The following GRAMD1A variants were observed in gnomAD, a reference collection of about 807,000 sequenced individuals.
GRAMD1A encodes GRAM domain containing 1A.
GRAMD1A carries 50 observed loss-of-function variants against 92.0 expected under a neutral mutation model. That is an observed-to-expected ratio of 0.54 (90% CI 0.43 to 0.69). GRAMD1A has a LOEUF of 0.69. Ranked by LOEUF, GRAMD1A falls within the 30% of genes least tolerant of loss-of-function variation. GRAMD1A has a pLI of 0.00. For synonymous variants in GRAMD1A, 405 were observed against 403.6 expected (o/e 1.00, Z -0.04); for missense variants, 819 against 978.9 (o/e 0.84, Z 2.18).
At position 35,014,116 on chromosome 19, in the gene GRAMD1A, T is replaced by C. The variant is rs1227038725; in HGVS notation, c.871-73T>C. 3 of 1,355,878 alleles carry C rather than the reference T, an allele frequency of 2.2e-6. No homozygotes were observed. The African/African-American group carries it at 4.3e-5, about 19-fold the overall frequency. 84.0% of individuals were successfully genotyped at this position (1,355,878 alleles called of 1,614,324 possible). ...GTCTGCACAGGCTCTGGAATCCTTGTGGCCAGTGTGGACTTGGGAGCCCTG... is the reference window on the plus strand; with the variant it reads ...GTCTGCACAGGCTCTGGAATCCTTGCGGCCAGTGTGGACTTGGGAGCCCTG... On this transcript the variant is annotated intron_variant, in intron 9 of 19. Coordinates refer to ENST00000317991, the MANE Select transcript of GRAMD1A (RefSeq NM_020895.5).
chr19:35,014,012 G>T (rs971480412), intron 9 of GRAMD1A, among the ~76,000 whole-genome samples, 177 bp from the exon 10 acceptor site: 1 of 152,186 alleles, frequency 6.6e-6, no homozygotes, highest in Admixed American at 6.5e-5. Context: ...CCTGGCAGGG[G>T]CTGAGAGGGG....
intron 16 of GRAMD1A, 24 bp downstream of exon 16, chr19:35,022,062 G>A (rs911580004): frequency 3.2e-6 from 5 of 1,555,022 alleles, no homozygotes; most frequent in East Asian, 2.2e-5. Flanking sequence ...AGGAGCAGTG[G>A]CCACACAGGC....
intron 7 of GRAMD1A, among the ~76,000 whole-genome samples, chr19:35,011,869 T>C (rs987460222): frequency 6.6e-6 from 1 of 152,202 alleles, no homozygotes; most frequent in African/African-American, 2.4e-5. Flanking sequence ...ATGCCGGCTA[T>C]GGCTGGTCCA....
chr19:34,998,775 G>C (rs2014150076), upstream of GRAMD1A, among the ~76,000 whole-genome samples: 1 of 150,696 alleles, frequency 6.6e-6, no homozygotes, highest in Non-Finnish European at 1.5e-5. Context: ...TTTTAGAGGT[G>C]GGGGTTAGCA....
upstream of GRAMD1A, among the ~76,000 whole-genome samples, chr19:34,995,570 G>GTTTTTCTTTTTTTTT (rs1173583059): frequency 3.7e-5 from 3 of 80,954 alleles, 1 homozygote; most frequent in African/African-American, 4.8e-5. Context: ...TCAGATCACG[G>GTTTTTCTTTTTTTTT]GTTTTTTTTT....
intron 10 of GRAMD1A, 50 bp downstream of exon 10, chr19:35,014,437 C>G: frequency 6.5e-7 from 1 of 1,529,650 alleles, no homozygotes; most frequent in Non-Finnish European, 9.1e-7. Flanking sequence ...GCAAGCCTCG[C>G]TCAGTCTTAA....
chr19:34,997,990 C>A (rs1379735312), upstream of GRAMD1A, among the ~76,000 whole-genome samples: 1 of 150,892 alleles, frequency 6.6e-6, no homozygotes, highest in Non-Finnish European at 1.5e-5. Flanking sequence ...ATCGCTTGAA[C>A]CGAGGAGGTG....
At chr19:35,004,419 G>A (rs747209868) in intron 1 of GRAMD1A, among the ~76,000 whole-genome samples, 2 of 152,142 alleles carry the variant, frequency 1.3e-5, no homozygotes, top group East Asian at 1.9e-4. Flanking sequence ...GTGGGTCCTG[G>A]ACTCTGCCTT....
At position 35,009,348 on chromosome 19, in the gene GRAMD1A, G is replaced by A; in HGVS notation, c.219+19G>A. On this transcript the variant is annotated intron_variant, in intron 2 of 19. Coordinates refer to ENST00000317991, the MANE Select transcript of GRAMD1A (RefSeq NM_020895.5). ...CAGCAAGGTTGGTGCAAGCCCAGGTGGGGTGGGGAGAGGGCTAGTGGGGGC... is the reference window on the plus strand; with the variant it reads ...CAGCAAGGTTGGTGCAAGCCCAGGTAGGGTGGGGAGAGGGCTAGTGGGGGC... 2 of 1,613,624 alleles carry A rather than the reference G, an allele frequency of 1.2e-6. No individual in the cohort carries two copies. The highest frequency in any genetic ancestry group is 1.7e-6 in the Non-Finnish European group (2 of 1,179,548).
chr19:35,013,244 CCG>C lies in GRAMD1A; in HGVS notation c.607-10_607-9del. 1 of 1,469,170 alleles carries C rather than the reference CCG, an allele frequency of 6.8e-7. No individual in the cohort carries two copies. Among genetic ancestry groups the C allele is most frequent in the Non-Finnish European group, 9.3e-7 (1 of 1,077,288 alleles). 91.0% of individuals were successfully genotyped at this position (1,469,170 alleles called of 1,614,324 possible). A position where few individuals can be genotyped will look rare whatever the true frequency, so the allele number is the denominator to read the frequency against. On this transcript the variant is annotated splice_polypyrimidine_tract_variant and intron_variant, in intron 7 of 19. Coordinates refer to ENST00000317991, the MANE Select transcript of GRAMD1A (RefSeq NM_020895.5). The surrounding 1 kb of genome is among the most constrained non-coding windows in gnomAD (Gnocchi z 4.9). ...GTGAGATGGAGGCCAACCCCAGGTC[CCG>C]CCTCCCCAGACGCTGAGTCCCCGCG...
At chr19:35,005,106 G>T (rs1461207846) in intron 1 of GRAMD1A, among the ~76,000 whole-genome samples, 1 of 150,818 alleles carries the variant, frequency 6.6e-6, no homozygotes, top group Non-Finnish European at 1.5e-5. Context: ...AAGGAGGGCC[G>T]ATCACCCAGG....
At chr19:35,015,433 C>T (rs577687744) in intron 10 of GRAMD1A, 193 of 170,158 alleles carry the variant, frequency 1.1e-3, no homozygotes, top group African/African-American at 4.2e-3. Context: ...ATTGGGCCAA[C>T]TTGAGAGTGT....
chr19:35,019,257 T>A lies in GRAMD1A; in HGVS notation c.1280T>A (p.Ile427Asn). ...CAGCGCCGGGTGCTGACGTACACCA[T>A]CCCCATCAGCAACCCACTGGGCCCC... The part of the protein sequence containing the change: ...CHQRRVLTYT[I>N]PISNPLGPKS... Residue 427 changes from isoleucine to asparagine, a missense_variant, in exon 12 of 20, where the codon ATC becomes AAC. This residue lies in a region of GRAMD1A where 577 missense variants were observed against 674.6 expected (regional missense o/e 0.86). Coordinates refer to ENST00000317991, the MANE Select transcript of GRAMD1A (RefSeq NM_020895.5). The A allele has an allele frequency of 6.2e-7, 1 of 1,613,524 alleles. No homozygotes were observed. Among genetic ancestry groups the A allele is most frequent in the Non-Finnish European group, 8.5e-7 (1 of 1,179,680 alleles).
At chr19:35,015,666 C>T in intron 10 of GRAMD1A, 158 bp from the exon 11 acceptor site, 2 of 643,472 alleles carry the variant, frequency 3.1e-6, no homozygotes, top group Non-Finnish European at 5.1e-6. Flanking sequence ...CTCAACCCAT[C>T]CCTGAGTCAC....
At chr19:34,998,356 C>A (rs1257655838), upstream of GRAMD1A, 1 of 128,812 alleles carries the variant, frequency 7.8e-6, no homozygotes, top group Admixed American at 9.6e-5. Context: ...CAGGCTGGAG[C>A]GCAGTGGTGC....
chr19:34,996,287 G>C (rs1346950897), upstream of GRAMD1A: 2 of 1,525,164 alleles, frequency 1.3e-6, no homozygotes, highest in Non-Finnish European at 1.8e-6. Flanking sequence ...TCTGTCCCAG[G>C]ACAGGTCAGA....
chr19:35,024,515 A>G (rs970016237), intron 19 of GRAMD1A, among the ~76,000 whole-genome samples: 7 of 151,902 alleles, frequency 4.6e-5, no homozygotes, highest in Non-Finnish European at 8.8e-5. Flanking sequence ...CACTCGGGGA[A>G]GGTGTCGAGG....
intron 16 of GRAMD1A, among the ~76,000 whole-genome samples, chr19:35,022,555 C>T (rs1426243295): frequency 8.4e-6 from 1 of 118,928 alleles, no homozygotes; most frequent in Non-Finnish European, 1.8e-5. Flanking sequence ...GGCTTCCTCC[C>T]AGGCCAGAGG....
rs754042843 is a variant in GRAMD1A, at chr19:35,009,251, C to A, written c.141C>A (p.Ser47Arg). 2.5e-6 allele frequency: 4 copies of A among 1,613,992 alleles called. No individual in the cohort carries two copies. The East Asian group carries it at 8.9e-5, about 36-fold the overall frequency. ...PGTMVEKGSDSSSEKGGVPGT... is the reference protein window; with the variant it reads ...PGTMVEKGSDRSSEKGGVPGT... Reference sequence around the variant, plus strand: ...CCATGGTGGAGAAGGGATCAGATAGCTCCTCAGAGAAGGGTGGGGTGCCTG... The same window carrying A: ...CCATGGTGGAGAAGGGATCAGATAGATCCTCAGAGAAGGGTGGGGTGCCTG... The change falls in exon 2 of 20, where the codon AGC becomes AGA. Residue 47 changes from serine (S) to arginine (R), a missense_variant. By Grantham distance (110) the Ser-to-Arg change is moderately radical. Around this residue, in one of 3 missense-constraint regions of GRAMD1A, gnomAD observed 98 missense variants for 84.0 expected, o/e 1.17. Transcript: ENST00000317991.
Sources: gnomAD v4.1 joint callset for allele counts (sites outside exome capture counted in the v4.1 genomes callset) on GRCh38, gnomAD v4.1.1 for gene constraint, gnomAD v4.1.1 regional missense constraint, Gnocchi (gnomAD v3.1) non-coding constraint, MANE v1.5 for transcripts, NCBI Gene and HGNC (gene_info 2026-07-23, HGNC 2026-07-21) for gene names.